The following TYW1B variants were observed in gnomAD, a reference collection of about 807,000 sequenced individuals.
TYW1B encodes the protein tRNA-yW synthesizing protein 1 homolog B.
TYW1B carries 73 observed loss-of-function variants against 86.9 expected under a neutral mutation model. That is an observed-to-expected ratio of 0.84 (90% CI 0.70 to 1.02). TYW1B has a LOEUF of 1.02. TYW1B is among the 50% of genes least tolerant of loss of function. The probability of loss-of-function intolerance (pLI) is 0.00; values close to 1 mark genes in which losing one functional copy is unlikely to be tolerated. For synonymous variants in TYW1B, 248 were observed against 292.8 expected, an observed-to-expected ratio of 0.85 and a Z score of 1.56; for missense variants, 637 against 827.4, an observed-to-expected ratio of 0.77 and a Z score of 2.82.
At position 72,663,761 on chromosome 7, in the gene TYW1B, C is replaced by CAAAA. The variant is rs1177247717; in HGVS notation, c.1506+30922_1506+30925dup. 2.6e-4 allele frequency among the ~76,000 whole-genome samples: 15 copies of CAAAA among 57,826 alleles called. 1 individual carries two copies. Among genetic ancestry groups the CAAAA allele is most frequent in the South Asian group, 9.6e-4 (1 of 1,046 alleles). 37.9% of individuals were successfully genotyped at this position (57,826 alleles called of 152,430 possible). On this transcript the variant is annotated intron_variant, in intron 11 of 13. Transcript: ENST00000620995. ...CCTGGGAGACAGCAAGACTCCATCT[C>CAAAA]AAAAAAAAAAAAAAAAAAAAAAAAT...
At chr7:72,607,376 A>G (rs1554435051) in intron 13 of TYW1B, among the ~76,000 whole-genome samples, 2 of 135,854 alleles carry the variant, frequency 1.5e-5, no homozygotes, top group African/African-American at 5.4e-5. Context: ...TGGATGACAG[A>G]GTGAGATTCT....
At chr7:72,653,950 C>T (rs1215217312) in intron 11 of TYW1B, among the ~76,000 whole-genome samples, 1 of 151,574 alleles carries the variant, frequency 6.6e-6, no homozygotes, top group African/African-American at 2.4e-5. Context: ...TGTGGTGGCG[C>T]ACACCTGCAA....
intron 11 of TYW1B, among the ~76,000 whole-genome samples, chr7:72,639,771 C>A (rs1450443513): frequency 1.3e-5 from 2 of 151,012 alleles, no homozygotes; most frequent in Non-Finnish European, 2.9e-5. Flanking sequence ...GAGGCTCAGG[C>A]AGGAGAATCA....
chr7:72,807,455 C>G (rs117455221), intron 4 of TYW1B, 99 bp from the exon 5 acceptor site: 44,462 of 1,456,314 alleles, frequency 0.031, 828 homozygotes, highest in Non-Finnish European at 0.035. Flanking sequence ...GGCCCCTGGT[C>G]ATGGGCTACC....
chr7:72,679,482 G>C (rs1443840527), intron 11 of TYW1B, among the ~76,000 whole-genome samples: 1 of 152,140 alleles, frequency 6.6e-6, no homozygotes, highest in Non-Finnish European at 1.5e-5. Context: ...ATGTGAATAC[G>C]TCACGAGCAT....
intron 4 of TYW1B, among the ~76,000 whole-genome samples, chr7:72,809,470 C>T (rs1788560120): frequency 6.6e-6 from 1 of 151,846 alleles, no homozygotes; most frequent in African/African-American, 2.4e-5. Context: ...CTGGGCAACA[C>T]AGTGAGACCC....
intron 13 of TYW1B, among the ~76,000 whole-genome samples, chr7:72,596,575 T>C (rs1811537187): frequency 1.3e-5 from 2 of 152,132 alleles, no homozygotes; most frequent in South Asian, 4.1e-4. Context: ...GGAAAAACAC[T>C]ACATGCAAAG....
chr7:72,592,962 C>G (rs1811431430), intron 13 of TYW1B, among the ~76,000 whole-genome samples: 1 of 151,970 alleles, frequency 6.6e-6, no homozygotes, highest in African/African-American at 2.4e-5. Context: ...ACTTCAATAC[C>G]TCATTCTTTT....
At position 72,811,126 on chromosome 7, in the gene TYW1B, A is replaced by C. The variant is rs574961595; in HGVS notation, c.238-461T>G. 2.2e-4 allele frequency among the ~76,000 whole-genome samples: 33 copies of C among 151,588 alleles called. 1 individual carries two copies. Among genetic ancestry groups the C allele is most frequent in the Admixed American group, 3.3e-4 (5 of 15,150 alleles). The stretch of plus-strand genomic sequence containing the variant: ...CTTTACTAAAAATACAAAAAATTAG[A>C]CAGGCGTGGTGGTGGGCGCCTGTAG... On this transcript the variant is annotated intron_variant, in intron 3 of 13. Coordinates refer to ENST00000620995, the MANE Select transcript of TYW1B (RefSeq NM_001145440.3).
Position 72,653,251 on chromosome 7 carries a change from T to C in TYW1B, c.1507-24254A>G, listed in dbSNP as rs557298250. Among the ~76,000 whole-genome samples, 58 of 152,206 alleles carry C rather than the reference T, an allele frequency of 3.8e-4. No homozygotes were observed. The Middle Eastern group carries it at 0.014, about 36-fold the overall frequency. ...TGGCTCTGGAAAAATAAAATTACATTAACAAACTTCTAGCCGGGCTAATCA... is the reference window on the plus strand; with the variant it reads ...TGGCTCTGGAAAAATAAAATTACATCAACAAACTTCTAGCCGGGCTAATCA... On this transcript the variant is annotated intron_variant, in intron 11 of 13. Coordinates refer to ENST00000620995, the MANE Select transcript of TYW1B (RefSeq NM_001145440.3).
chr7:72,661,815 G>A (rs1221176974), intron 11 of TYW1B, among the ~76,000 whole-genome samples: 2 of 152,020 alleles, frequency 1.3e-5, no homozygotes, highest in Admixed American at 6.6e-5. Context: ...AGATGGGCAG[G>A]TGGTAGTTTT....
At position 72,638,427 on chromosome 7, in the gene TYW1B, T is replaced by C. The variant is rs540511064; in HGVS notation, c.1507-9430A>G. ...AGATAAAGAAGGAAAATCACGTGAT[T>C]ATATCAATAGATGCCAAAAAGCATA... On this transcript the variant is annotated intron_variant, in intron 11 of 13. Transcript: ENST00000620995. Among the ~76,000 whole-genome samples, 1,158 of 151,840 alleles carry C rather than the reference T, an allele frequency of 7.6e-3. 5 individuals are homozygous for C. The highest frequency in any genetic ancestry group is 0.02 in the African/African-American group (849 of 41,418).
intron 11 of TYW1B, among the ~76,000 whole-genome samples, chr7:72,690,690 T>C (rs1317322258): frequency 6.6e-6 from 1 of 152,244 alleles, no homozygotes; most frequent in Admixed American, 6.5e-5. Context: ...CTAATTAAAA[T>C]ATCTGAAATA....
chr7:72,610,417 G>A (rs542866577), intron 13 of TYW1B, among the ~76,000 whole-genome samples: 15 of 151,824 alleles, frequency 9.9e-5, no homozygotes, highest in African/African-American at 2.2e-4. Context: ...CTCCATGGAC[G>A]ACACCATCAC....
At chr7:72,678,973 ATGGCTGTAGTC>A (rs1813805530) in intron 11 of TYW1B, among the ~76,000 whole-genome samples, 1 of 152,102 alleles carries the variant, frequency 6.6e-6, no homozygotes, top group African/African-American at 2.4e-5. Flanking sequence ...ATGGTGGTGC[ATGGCTGTAGTC>A]TGAGCTTCTT....
chr7:72,735,377 C>T (rs2129571175), intron 8 of TYW1B, among the ~76,000 whole-genome samples: 1 of 152,130 alleles, frequency 6.6e-6, no homozygotes, highest in African/African-American at 2.4e-5. Context: ...TGAAGCCAGC[C>T]TGGCCAACTT....
chr7:72,812,723 A>G (rs1788644774), intron 3 of TYW1B, among the ~76,000 whole-genome samples: 1 of 148,294 alleles, frequency 6.7e-6, no homozygotes, highest in African/African-American at 2.5e-5. Context: ...TTTTTGAGAC[A>G]GAGTCTCACT....
chr7:72,739,111 T>G (rs1554461604), intron 8 of TYW1B, among the ~76,000 whole-genome samples: 1 of 152,046 alleles, frequency 6.6e-6, no homozygotes. Flanking sequence ...TATTATTTTT[T>G]AACAGATCTT....
chr7:72,766,739 C>T (rs547423057), intron 7 of TYW1B, among the ~76,000 whole-genome samples: 1 of 151,882 alleles, frequency 6.6e-6, no homozygotes, highest in South Asian at 2.1e-4. Context: ...CCAGCCTGGC[C>T]AACAAGGTGA....
Sources: allele counts gnomAD v4.1 joint callset (sites outside exome capture counted in the v4.1 genomes callset), GRCh38; gene constraint gnomAD v4.1.1; transcripts MANE v1.5; gene names NCBI Gene and HGNC (gene_info 2026-07-23, HGNC 2026-07-21).